The following UNC13C variants were observed in gnomAD, a reference collection of about 807,000 sequenced individuals.
The protein encoded by UNC13C is unc-13 homolog C.
UNC13C carries 174 observed loss-of-function variants against 245.4 expected under a neutral mutation model. The ratio of observed to expected loss-of-function variants is 0.71; its 90% CI spans 0.63 to 0.80. The LOEUF is 0.80. Ranked by LOEUF, UNC13C falls within the 30% of genes least tolerant of loss-of-function variation. The pLI is 0.00. For synonymous variants in UNC13C, 992 were observed against 895.1 expected (o/e 1.11, Z -1.93); for missense variants, 2,829 against 2,602.9 (o/e 1.09, Z -1.89).
chr15:53,956,780 A>C, the UNC13C span, among the ~76,000 whole-genome samples: 1 of 151,612 alleles, frequency 6.6e-6, no homozygotes, highest in Non-Finnish European at 1.5e-5. Context: ...GTGGAAATAG[A>C]ACGGAGAGAA....
chr15:54,569,972 T>TA (rs1403507874), intron 30 of UNC13C, among the ~76,000 whole-genome samples: 13 of 152,090 alleles, frequency 8.5e-5, no homozygotes, highest in African/African-American at 3.1e-4. Flanking sequence ...CCAAAGGACT[T>TA]AGTGTATAAA....
At chr15:54,549,559 G>A (rs1896641488) in intron 27 of UNC13C, 76 bp from the exon 28 acceptor site, 3 of 1,097,874 alleles carry the variant, frequency 2.7e-6, no homozygotes. Context: ...GAAATTATCT[G>A]TTGACTGCAT....
At chr15:53,937,123 G>A in the UNC13C span, among the ~76,000 whole-genome samples, 4 of 152,164 alleles carry the variant, frequency 2.6e-5, no homozygotes, top group Non-Finnish European at 5.9e-5. Context: ...ATGCAAAGAA[G>A]CGAAAAATCA....
chr15:54,233,573 A>C (rs965517101), intron 4 of UNC13C, among the ~76,000 whole-genome samples: 1 of 152,134 alleles, frequency 6.6e-6, no homozygotes, highest in Non-Finnish European at 1.5e-5. Context: ...ATTTCTATTG[A>C]CATGAATTTT....
the UNC13C span, among the ~76,000 whole-genome samples, chr15:53,882,371 T>C: frequency 6.6e-6 from 1 of 152,166 alleles, no homozygotes; most frequent in African/African-American, 2.4e-5. Context: ...TATAATAAAA[T>C]TTATATATAC....
the UNC13C span, among the ~76,000 whole-genome samples, chr15:53,946,466 T>A: frequency 5.4e-5 from 7 of 129,960 alleles, no homozygotes; most frequent in South Asian, 1.0e-3. Flanking sequence ...TTTTTTTTTT[T>A]AAACGGAGTC....
chr15:54,164,047 C>G (rs1164848035), intron 4 of UNC13C, among the ~76,000 whole-genome samples: 1 of 152,070 alleles, frequency 6.6e-6, no homozygotes, highest in African/African-American at 2.4e-5. Flanking sequence ...AAGGGTAACT[C>G]TGCAAAATGA....
At chr15:54,049,374 G>C (rs955471405) in intron 2 of UNC13C, 6 of 516,958 alleles carry the variant, frequency 1.2e-5, no homozygotes, top group Admixed American at 8.5e-5. Flanking sequence ...CTGCCTGCAG[G>C]ATAAAACTAA....
At chr15:54,346,997 A>G (rs913771590) in intron 17 of UNC13C, among the ~76,000 whole-genome samples, 2 of 152,204 alleles carry the variant, frequency 1.3e-5, no homozygotes, top group African/African-American at 4.8e-5. Flanking sequence ...GTGAACATCT[A>G]TGTGAAAATA....
intron 30 of UNC13C, among the ~76,000 whole-genome samples, chr15:54,597,202 C>G (rs1372887836): frequency 6.6e-6 from 1 of 152,196 alleles, no homozygotes; most frequent in Non-Finnish European, 1.5e-5. Context: ...GTAATGCTCA[C>G]TTGCCTGCCG....
chr15:54,056,123 G>C (rs539245376), intron 2 of UNC13C, among the ~76,000 whole-genome samples: 3 of 152,174 alleles, frequency 2.0e-5, no homozygotes, highest in African/African-American at 7.2e-5. Flanking sequence ...TGACTTTGAC[G>C]AGTTGAGAGA....
intron 19 of UNC13C, among the ~76,000 whole-genome samples, chr15:54,457,138 T>C (rs1567291147): frequency 6.6e-6 from 1 of 152,166 alleles, no homozygotes; most frequent in Admixed American, 6.5e-5. Context: ...GAGATGATCA[T>C]ATGATTATTG....
At chr15:53,921,765 C>T in the UNC13C span, among the ~76,000 whole-genome samples, 1 of 152,136 alleles carries the variant, frequency 6.6e-6, no homozygotes, top group Non-Finnish European at 1.5e-5. Flanking sequence ...TTACGGCCAC[C>T]TCACATTTAT....
the UNC13C span, among the ~76,000 whole-genome samples, chr15:53,919,114 T>C: frequency 2.0e-5 from 3 of 152,220 alleles, no homozygotes; most frequent in Non-Finnish European, 2.9e-5. Context: ...ATTTTCATAG[T>C]ACTGCAGAGT....
intron 30 of UNC13C, among the ~76,000 whole-genome samples, chr15:54,615,808 A>G (rs1464409383): frequency 6.6e-6 from 1 of 151,974 alleles, no homozygotes; most frequent in Non-Finnish European, 1.5e-5. Flanking sequence ...TTGTTTGACA[A>G]TCTAACCAAT....
intron 19 of UNC13C, among the ~76,000 whole-genome samples, chr15:54,475,283 TATTA>T: frequency 9.7e-6 from 1 of 103,624 alleles, no homozygotes. Flanking sequence ...GTTTTTTGTT[TATTA>T]TTATTATTAT....
intron 10 of UNC13C, among the ~76,000 whole-genome samples, chr15:54,289,939 A>G (rs192439546): frequency 6.6e-6 from 1 of 152,226 alleles, no homozygotes; most frequent in East Asian, 1.9e-4. Context: ...ATCTAACTTC[A>G]GTCTTCAGAA....
intron 10 of UNC13C, among the ~76,000 whole-genome samples, chr15:54,285,963 C>T (rs1271387473): frequency 4.6e-5 from 7 of 151,984 alleles, no homozygotes; most frequent in African/African-American, 1.7e-4. Context: ...ATGCAACCTC[C>T]GCCTCCCCAG....
intron 2 of UNC13C, among the ~76,000 whole-genome samples, chr15:54,130,041 G>A (rs2031312980): frequency 6.6e-6 from 1 of 151,128 alleles, no homozygotes; most frequent in African/African-American, 2.4e-5. Context: ...ACAAATATAT[G>A]TATGCATGTG....
Sources: allele counts gnomAD v4.1 joint callset (sites outside exome capture counted in the v4.1 genomes callset), GRCh38; gene constraint gnomAD v4.1.1; transcripts MANE v1.5; gene names NCBI Gene and HGNC (gene_info 2026-07-23, HGNC 2026-07-21).